The following NLRP13 variants were observed in gnomAD, a reference collection of about 807,000 sequenced individuals.
NLRP13 encodes the protein NACHT, LRR and PYD domains-containing protein 13.
NLRP13 carries 82 observed loss-of-function variants against 94.4 expected under a neutral mutation model. The ratio of observed to expected loss-of-function variants is 0.87; its 90% confidence interval spans 0.73 to 1.04. The LOEUF is 1.04. Ranked by LOEUF, NLRP13 falls within the 50% of genes least tolerant of loss-of-function variation. NLRP13 has a pLI of 0.00. For missense variants in NLRP13, 1,426 were observed against 1,230.8 expected (o/e 1.16, Z -2.37); for synonymous variants, 553 against 464.7 (o/e 1.19, Z -2.45).
At position 55,924,967 on chromosome 19, in the gene NLRP13, C is replaced by T. The variant is rs761340780; in HGVS notation, c.388G>A (p.Gly130Arg). The T allele has an allele frequency of 1.9e-6, 3 of 1,613,554 alleles. No individual in the cohort carries two copies. The highest frequency in any genetic ancestry group is 2.2e-5 in the South Asian group (2 of 91,074). The change falls in exon 2 of 11, where the codon GGG becomes AGG. Residue 130 changes from glycine (G) to arginine (R), a missense_variant and splice_region_variant. Physicochemically the swap from Gly to Arg is moderately radical, Grantham distance 125. Transcript: ENST00000342929. The part of the protein sequence containing the change: ...EDLEMLEAAA[G>R]NMQTQGCQDP... ...TATCAACTTAAAGTAGTGTACACAC[C>T]TGCTGCTGCTTCTAGCATCTCTAGA...
At chr19:55,913,346 G>T in intron 4 of NLRP13, 53 bp from the exon 5 acceptor site, 1 of 1,539,874 alleles carries the variant, frequency 6.5e-7, no homozygotes, top group Non-Finnish European at 8.8e-7. Context: ...TCAGAGTTAG[G>T]AATGATTCAG....
intron 4 of NLRP13, among the ~76,000 whole-genome samples, chr19:55,913,548 CAAAAAAA>C (rs10530056): frequency 0.18 from 9,453 of 52,168 alleles, 714 homozygotes; most frequent in Middle Eastern, 0.37. Flanking sequence ...GACTCCGTCT[CAAAAAAA>C]AAAAAAAAAA....
intron 1 of NLRP13, among the ~76,000 whole-genome samples, chr19:55,926,887 C>T (rs1203300783): frequency 2.0e-5 from 3 of 151,982 alleles, no homozygotes; most frequent in African/African-American, 7.3e-5. Flanking sequence ...CCAAGCATAG[C>T]CAAATGATTT....
intron 8 of NLRP13, among the ~76,000 whole-genome samples, chr19:55,903,043 G>A (rs570932831): frequency 6.6e-6 from 1 of 151,264 alleles, no homozygotes; most frequent in Non-Finnish European, 1.5e-5. Flanking sequence ...ATATGTATAT[G>A]ATGTTACAAT....
chr19:55,913,150 T>TA lies in NLRP13; in HGVS notation c.666dup (p.Arg223Ter). ...ATCGTCTGGGCCTGGGCTCTAGTCC[T>TA]ATTAGGATCCAGTAGGCGCTGCAGT... On this transcript the variant is annotated frameshift_variant, in exon 5 of 11. Transcript: ENST00000342929. LOFTEE classifies it high-confidence loss of function. 6.2e-7 allele frequency: 1 copy of TA among 1,614,104 alleles called. No individual in the cohort carries two copies. Among genetic ancestry groups the TA allele is most frequent in the Non-Finnish European group, 8.5e-7 (1 of 1,179,998 alleles).
At chr19:55,926,435 G>A (rs944180762) in intron 1 of NLRP13, among the ~76,000 whole-genome samples, 1 of 152,208 alleles carries the variant, frequency 6.6e-6, no homozygotes, top group Non-Finnish European at 1.5e-5. Context: ...AAGTTCCACT[G>A]GTCACTCACC....
intron 4 of NLRP13, among the ~76,000 whole-genome samples, chr19:55,916,442 A>G (rs1986676792): frequency 6.6e-6 from 1 of 152,224 alleles, no homozygotes; most frequent in South Asian, 2.1e-4. Context: ...GTGAGATCCA[A>G]GAGAAATCAT....
chr19:55,905,621 C>A (rs1439950899), intron 7 of NLRP13, among the ~76,000 whole-genome samples: 1 of 151,826 alleles, frequency 6.6e-6, no homozygotes, highest in Non-Finnish European at 1.5e-5. Flanking sequence ...CCACTGTACT[C>A]CAGCCTGGGT....
chr19:55,907,273 A>C (rs901884534), intron 7 of NLRP13, among the ~76,000 whole-genome samples: 37 of 151,438 alleles, frequency 2.4e-4, no homozygotes, highest in Admixed American at 1.3e-3. Context: ...TCTGTATTTT[A>C]AAACACCCAC....
chr19:55,922,222 T>A (rs187001944), intron 4 of NLRP13, among the ~76,000 whole-genome samples: 12 of 152,200 alleles, frequency 7.9e-5, no homozygotes, highest in African/African-American at 1.2e-4. Context: ...CACATGGGAA[T>A]TATGGGAGCT....
At chr19:55,903,133 CTAATTA>C (rs1986236771) in intron 8 of NLRP13, among the ~76,000 whole-genome samples, 1 of 151,896 alleles carries the variant, frequency 6.6e-6, no homozygotes, top group Non-Finnish European at 1.5e-5. Flanking sequence ...GGTTGTAATA[CTAATTA>C]TAATTAGTTA....
intron 1 of NLRP13, among the ~76,000 whole-genome samples, chr19:55,931,722 A>AGACAGAAAGAAAGACAG (rs1468023647): frequency 2.8e-5 from 3 of 107,328 alleles, no homozygotes; most frequent in African/African-American, 1.1e-4. Context: ...AAAAAAAAAA[A>AGACAGAAAGAAAGACAG]AAAGAAAGAA....
chr19:55,921,675 A>AT (rs945242140), intron 4 of NLRP13, among the ~76,000 whole-genome samples: 155 of 152,350 alleles, frequency 1.0e-3, no homozygotes, highest in African/African-American at 3.5e-3. Flanking sequence ...AGAGGAACTT[A>AT]TCCTGGATTA....
In NLRP13 at chr19:55,912,000, C is replaced by T. The variant is rs1301514212; in HGVS notation, c.1817G>A (p.Cys606Tyr). 1.2e-6 allele frequency: 2 copies of T among 1,614,056 alleles called. No homozygotes were observed. Among genetic ancestry groups the T allele is most frequent in the East Asian group, 2.2e-5 (1 of 44,888 alleles). ...IARELEDTLH[C>Y]KISPRVMEEL... Reference sequence around the variant, plus strand: ...CTCCATTACCCTGGGAGATATTTTACAATGCAAAGTATCTTCCAGTTCTCT... The same window carrying T: ...CTCCATTACCCTGGGAGATATTTTATAATGCAAAGTATCTTCCAGTTCTCT... The change falls in exon 5 of 11, where the codon TGT becomes TAT. Residue 606 changes from cysteine to tyrosine, a missense_variant. Transcript: ENST00000342929.
At chr19:55,921,841 C>T (rs1986836074) in intron 4 of NLRP13, among the ~76,000 whole-genome samples, 1 of 152,148 alleles carries the variant, frequency 6.6e-6, no homozygotes, top group Admixed American at 6.5e-5. Context: ...TACTGGAAGC[C>T]ACCAGAGCTG....
At chr19:55,928,037 T>C (rs1259499064) in intron 1 of NLRP13, among the ~76,000 whole-genome samples, 1 of 152,192 alleles carries the variant, frequency 6.6e-6, no homozygotes, top group Non-Finnish European at 1.5e-5. Context: ...AACAGGGCAC[T>C]AAGAACCACC....
At chr19:55,908,262 AC>A (rs1236559787) in intron 6 of NLRP13, among the ~76,000 whole-genome samples, 1 of 151,540 alleles carries the variant, frequency 6.6e-6, no homozygotes, top group Non-Finnish European at 1.5e-5. Flanking sequence ...CTAGGAAATG[AC>A]CCCCCCATAT....
intron 4 of NLRP13, among the ~76,000 whole-genome samples, chr19:55,914,553 A>C (rs1333985415): frequency 6.6e-6 from 1 of 152,240 alleles, no homozygotes; most frequent in Non-Finnish European, 1.5e-5. Flanking sequence ...TAACTATTAC[A>C]TATCTGCAAA....
chr19:55,915,864 T>C (rs1986662142), intron 4 of NLRP13, among the ~76,000 whole-genome samples: 1 of 152,006 alleles, frequency 6.6e-6, no homozygotes, highest in African/African-American at 2.4e-5. Context: ...AAGTTTCTCC[T>C]GGTAAACAAC....
Sources: gnomAD v4.1 joint callset for allele counts (sites outside exome capture counted in the v4.1 genomes callset) on GRCh38, gnomAD v4.1.1 for gene constraint, MANE v1.5 for transcripts, NCBI Gene and HGNC (gene_info 2026-07-23, HGNC 2026-07-21) for gene names.